The following SLC4A11 variants were observed in gnomAD, a reference collection of about 807,000 sequenced individuals.
The protein encoded by SLC4A11 is bicarbonate transporter related protein 1.
Under a neutral mutation model 95.0 loss-of-function variants are expected in SLC4A11, and 74 were observed. The ratio of observed to expected loss-of-function variants is 0.78; its 90% CI spans 0.65 to 0.95. SLC4A11 has a LOEUF of 0.95. Among genes scored for constraint, SLC4A11 ranks in the 40% least tolerant of loss-of-function variants. The pLI, the probability that SLC4A11 is intolerant of heterozygous loss-of-function variation, is 0.00. For missense variants in SLC4A11, 1,081 were observed against 1,192.4 expected, an observed-to-expected ratio of 0.91 and a Z score of 1.38; for synonymous variants, 548 against 519.0, an observed-to-expected ratio of 1.06 and a Z score of -0.76.
At chr20:3,238,429 G>C (rs956622112) in intron 1 of SLC4A11, 1 of 1,040,692 alleles carries the variant, frequency 9.6e-7, no homozygotes, top group Non-Finnish European at 1.2e-6. Flanking sequence ...CCTGAAGTGG[G>C]GGGCGGGGGC....
chr20:3,238,511 C>A (rs1389404166), intron 1 of SLC4A11: 2 of 995,466 alleles, frequency 2.0e-6, no homozygotes, highest in Non-Finnish European at 2.4e-6. Flanking sequence ...CCGCTTCCGT[C>A]CCGGCGGCCC....
At position 3,230,791 on chromosome 20, in the gene SLC4A11, A is replaced by G. The variant is rs1377781064; in HGVS notation, c.1223T>C (p.Phe408Ser). ...CAGAATCACCAATGGCTGCCCAGAG[A>G]AGAGCGCGTAGAGCAGGCCCCCGAT... The part of the protein sequence containing the change: ...QSIGGLLYAL[F>S]SGQPLVILLT... The change falls in exon 11 of 20, where the codon TTC (phenylalanine) becomes TCC (serine). Residue 408 changes from phenylalanine to serine, a missense_variant. This residue lies in a region of SLC4A11 where 767 missense variants were observed against 858.0 expected (regional missense o/e 0.89). Coordinates refer to ENST00000642402, the MANE Select transcript of SLC4A11 (RefSeq NM_001174089.2). 1 of 1,613,350 alleles carries G rather than the reference A, an allele frequency of 6.2e-7. No individual in the cohort carries two copies. The highest frequency in any genetic ancestry group is 1.7e-5 in the Admixed American group (1 of 60,032).
chr20:3,229,657 T>C lies in SLC4A11; in HGVS notation c.1609A>G (p.Asn537Asp). 7.4e-6 allele frequency: 12 copies of C among 1,613,808 alleles called. No individual in the cohort carries two copies. The highest frequency in any genetic ancestry group is 1.0e-5 in the Non-Finnish European group (12 of 1,179,984). ...SLNASLHTAL[N>D]ASFLASPTEL... ...GTGGGGCTGGCGAGGAAGCTGGCGT[T>C]GAGGGCAGTGTGGAGGCTGGCGTTG... The change falls in exon 14 of 20, where the codon AAC (asparagine) becomes GAC (aspartate). Residue 537 changes from asparagine (N) to aspartate (D), a missense_variant. Transcript: ENST00000642402.
chr20:3,238,389 G>A (rs141319211), intron 1 of SLC4A11: 67,407 of 985,174 alleles, frequency 0.068, 2,498 homozygotes, highest in Middle Eastern at 0.076. Context: ...GGATGTGAAT[G>A]CAGGCGCGGG....
chr20:3,230,668 G>A (rs577391011), intron 11 of SLC4A11, 21 bp from the exon 12 acceptor site: 26 of 1,613,006 alleles, frequency 1.6e-5, no homozygotes, highest in East Asian at 4.5e-5. Context: ...GGGGCAGGGC[G>A]GGTCAGGGCC....
chr20:3,228,637 G>T lies in SLC4A11; in HGVS notation c.2263C>A (p.Leu755Met). The T allele has an allele frequency of 6.2e-7, 1 of 1,613,112 alleles. No homozygotes were observed. The highest frequency in any genetic ancestry group is 1.1e-5 in the South Asian group (1 of 91,080). Reference protein sequence around the residue: ...ASVLVGLSLLLLPVPLQWIPK... With the variant: ...ASVLVGLSLLMLPVPLQWIPK... ...ATCCACTGAAGCGGGACCGGCAGCA[G>T]CAACAGGGACAGGCCCACCAGGACG... The change falls in exon 18 of 20, where the codon CTG (leucine) becomes ATG (methionine). Residue 755 changes from leucine (L) to methionine (M), a missense_variant. Physicochemically the swap from Leu to Met is conservative, Grantham distance 15. Coordinates refer to ENST00000642402, the MANE Select transcript of SLC4A11 (RefSeq NM_001174089.2).
intron 19 of SLC4A11, 101 bp downstream of exon 19, chr20:3,228,153 CATTCT>C: frequency 7.9e-6 from 8 of 1,017,472 alleles, no homozygotes; most frequent in African/African-American, 1.6e-5. Context: ...CCAACCCGCC[CATTCT>C]CCGCCCCTAG....
rs147731114 is a variant in SLC4A11, at chr20:3,230,812, C to T, written c.1202G>A (p.Gly401Glu). The T allele has an allele frequency of 1.2e-6, 2 of 1,613,252 alleles. No homozygotes were observed. The highest frequency in any genetic ancestry group is 1.7e-6 in the Non-Finnish European group (2 of 1,179,974). ...AGAGAAGAGCGCGTAGAGCAGGCCC[C>T]CGATGCTCTGCCCGGCTATGGTCTT... ...VQKTIAGQSI[G>E]GLLYALFSGQ... Residue 401 changes from glycine (G) to glutamate (E), a missense_variant, in exon 11 of 20, where the codon GGG becomes GAG. Physicochemically the swap from Gly to Glu is moderately conservative, Grantham distance 98. This residue lies in a region of SLC4A11 where 767 missense variants were observed against 858.0 expected (regional missense o/e 0.89). Coordinates refer to ENST00000642402, the MANE Select transcript of SLC4A11 (RefSeq NM_001174089.2).
chr20:3,239,010 C>A (rs1041339837), intron 1 of SLC4A11, 85 bp downstream of exon 1: 7 of 1,418,230 alleles, frequency 4.9e-6, no homozygotes, highest in Non-Finnish European at 6.4e-6. Context: ...AGACGGCATC[C>A]GCGTTCTCCC....
intron 13 of SLC4A11, 48 bp from the exon 14 acceptor site, chr20:3,229,824 G>A (rs747350862): frequency 3.1e-6 from 5 of 1,612,872 alleles, no homozygotes; most frequent in Non-Finnish European, 4.2e-6. Flanking sequence ...CGTGTGGCAG[G>A]GGGAGGCCCT....
upstream of SLC4A11, chr20:3,239,236 C>T (rs992846568): frequency 6.9e-5 from 90 of 1,304,686 alleles, no homozygotes; most frequent in Non-Finnish European, 8.2e-5. Flanking sequence ...CGGGAGCCGG[C>T]GACACACCCC....
chr20:3,231,463 G>A lies in SLC4A11; in HGVS notation c.815C>T (p.Thr272Ile), dbSNP rs1247599486. The part of the protein sequence containing the change: ...DIAFRQKLLE[T>I]RTEEEFKEAL... ...CTCCTTGAATTCCTCCTCTGTGCGGGTCTCCAGGAGCTTCTGGCGGAAGGC... is the reference window on the plus strand; with the variant it reads ...CTCCTTGAATTCCTCCTCTGTGCGGATCTCCAGGAGCTTCTGGCGGAAGGC... Residue 272 changes from threonine (T) to isoleucine (I), a missense_variant, in exon 8 of 20, where the codon ACC (threonine) becomes ATC (isoleucine). Physicochemically the swap from Thr to Ile is moderately conservative, Grantham distance 89. Coordinates refer to ENST00000642402, the MANE Select transcript of SLC4A11 (RefSeq NM_001174089.2). This position sits in a 1 kb window ranked among gnomAD's most constrained non-coding sequence, Gnocchi z 5.2. 2 of 1,613,954 alleles carry A rather than the reference G, an allele frequency of 1.2e-6. No homozygotes were observed. Among genetic ancestry groups the A allele is most frequent in the Non-Finnish European group, 1.7e-6 (2 of 1,180,028 alleles).
rs746532062 is a variant in SLC4A11, at chr20:3,233,572, C to A, written c.671G>T (p.Trp224Leu). 1.7e-5 allele frequency: 28 copies of A among 1,613,676 alleles called. No homozygotes were observed. Among genetic ancestry groups the A allele is most frequent in the Admixed American group, 1.2e-4 (7 of 59,990 alleles). ...CISRLVRPQNWGENSCEVRFV... is the reference protein window; with the variant it reads ...CISRLVRPQNLGENSCEVRFV... ...CCGAACCTCACAGGAATTCTCCCCC[C>A]AGTTCTGTGGGCGAACCAGGCGGCT... Residue 224 changes from tryptophan to leucine, a missense_variant, in exon 7 of 20, where the codon TGG (tryptophan) becomes TTG (leucine). This residue lies in a region of SLC4A11 where 310 missense variants were observed against 313.5 expected (regional missense o/e 0.99). Transcript: ENST00000642402.
intron 1 of SLC4A11, chr20:3,238,400 G>A (rs1251556991): frequency 4.7e-6 from 5 of 1,073,160 alleles, no homozygotes; most frequent in Non-Finnish European, 5.6e-6. Context: ...CAGGCGCGGG[G>A]CGGGAGCCGG....
At chr20:3,232,036 G>A (rs1226948036) in intron 7 of SLC4A11, among the ~76,000 whole-genome samples, 5 of 152,120 alleles carry the variant, frequency 3.3e-5, no homozygotes, top group African/African-American at 1.2e-4. Context: ...GCAGATCACC[G>A]CAACTACCAT....
chr20:3,237,962 G>A, intron 1 of SLC4A11: 6 of 1,550,444 alleles, frequency 3.9e-6, no homozygotes, highest in Middle Eastern at 1.7e-4. Flanking sequence ...GACCGGGCCC[G>A]AGCGGGCCTC....
rs774713662 is a variant in SLC4A11 at position 3,234,866 on chromosome 20, G to T, written c.117C>A (p.Thr39=). Reference sequence around the variant, plus strand: ...CCAGGATCTCCTCTCGGGCTTCGAAGGTGTCATCTGTGTCACACTTGTAGT... The same window carrying T: ...CCAGGATCTCCTCTCGGGCTTCGAATGTGTCATCTGTGTCACACTTGTAGT... ...SSYYKCDTDD[T]FEAREEILGD... The change falls in exon 3 of 20, where the codon ACC becomes ACA. Residue 39 remains threonine (T), a synonymous_variant. Coordinates refer to ENST00000642402, the MANE Select transcript of SLC4A11 (RefSeq NM_001174089.2). The surrounding 1 kb of genome is among the most constrained non-coding windows in gnomAD (Gnocchi z 5.8). 1 of 1,613,980 alleles carries T rather than the reference G, an allele frequency of 6.2e-7. No homozygotes were observed. The highest frequency in any genetic ancestry group is 2.2e-5 in the East Asian group (1 of 44,882).
Position 3,227,839 on chromosome 20 carries a change from CG to C in SLC4A11, c.2575del (p.Arg859GlufsTer101). 1 of 1,613,046 alleles carries C rather than the reference CG, an allele frequency of 6.2e-7. No individual in the cohort carries two copies. On this transcript the variant is annotated frameshift_variant, in exon 20 of 20. Transcript: ENST00000642402. LOFTEE classifies it high-confidence loss of function. ...ATCCAAGTACTTGGCTTCAATGATT[CG>C]GGGCAGCAGGATATAGCTGTGGGGA... is the stretch of plus-strand genomic sequence containing the variant. ...MIPIRYILLP[R>X]IIEAKYLDVM... is the part of the protein sequence containing the mutation.
At chr20:3,238,863 C>T in intron 1 of SLC4A11, 1 of 1,220,728 alleles carries the variant, frequency 8.2e-7, no homozygotes, top group Non-Finnish European at 1.0e-6. Context: ...AAATTCAAGA[C>T]GGCGACAGCA....
Sources: allele counts gnomAD v4.1 joint callset (sites outside exome capture counted in the v4.1 genomes callset), GRCh38; gene constraint gnomAD v4.1.1; regional missense constraint gnomAD v4.1.1; non-coding constraint Gnocchi (gnomAD v3.1); transcripts MANE v1.5; gene names NCBI Gene and HGNC (gene_info 2026-07-23, HGNC 2026-07-21).